NBAS: variants seen among roughly 807,000 people sequenced by gnomAD.
NBAS encodes NAG/BC035112 fusion.
NBAS carries 219 observed loss-of-function variants against 302.5 expected under a neutral mutation model. The observed-to-expected ratio is 0.72, with a 90% confidence interval of 0.65 to 0.81. The LOEUF is 0.81. NBAS is among the 30% of genes least tolerant of loss of function. The pLI is 0.00. For missense variants in NBAS, 2,932 were observed against 2,841.6 expected (o/e 1.03, Z -0.72); for synonymous variants, 1,118 against 1,021.6 (o/e 1.09, Z -1.80).
chr2:15,217,310 T>C (rs1050378256), intron 48 of NBAS, among the ~76,000 whole-genome samples: 2 of 152,252 alleles, frequency 1.3e-5, no homozygotes, highest in African/African-American at 4.8e-5. Context: ...GATAGGTCTA[T>C]CTTTTTTGAA....
At chr2:14,950,348 T>C in the NBAS span, among the ~76,000 whole-genome samples, 1 of 152,208 alleles carries the variant, frequency 6.6e-6, no homozygotes, top group Non-Finnish European at 1.5e-5. Context: ...GTTAATTCAT[T>C]CCTTTTTGTG....
the NBAS span, among the ~76,000 whole-genome samples, chr2:14,960,069 G>GA: frequency 1.1e-3 from 169 of 151,870 alleles, no homozygotes; most frequent in African/African-American, 3.7e-3. Context: ...ACTGCACTTG[G>GA]AAAAAAAATG....
the NBAS span, among the ~76,000 whole-genome samples, chr2:15,062,566 A>G: frequency 1.3e-5 from 2 of 152,204 alleles, no homozygotes; most frequent in African/African-American, 4.8e-5. Context: ...AGGGCATGCA[A>G]TCAAAAAGAG....
At chr2:14,920,800 C>T in the NBAS span, among the ~76,000 whole-genome samples, 4 of 152,138 alleles carry the variant, frequency 2.6e-5, no homozygotes, top group African/African-American at 9.7e-5. Flanking sequence ...TAAATTAGGA[C>T]CTTGATCCAG....
chr2:14,919,196 A>C, the NBAS span, among the ~76,000 whole-genome samples: 1 of 152,202 alleles, frequency 6.6e-6, no homozygotes, highest in African/African-American at 2.4e-5. Context: ...CCACCACAAT[A>C]AAGTGAATAT....
intron 21 of NBAS, among the ~76,000 whole-genome samples, chr2:15,445,903 C>T (rs1053835291): frequency 1.1e-4 from 10 of 92,254 alleles, no homozygotes; most frequent in Non-Finnish European, 2.2e-4. Context: ...AACATAGTCT[C>T]GGAGATTAAA....
chr2:15,540,410 T>C (rs780091868), intron 6 of NBAS, among the ~76,000 whole-genome samples: 2 of 152,024 alleles, frequency 1.3e-5, no homozygotes, highest in Non-Finnish European at 2.9e-5. Context: ...ATCTCCTGCT[T>C]GGCCTACTAA....
At chr2:14,962,981 G>GT in the NBAS span, among the ~76,000 whole-genome samples, 1 of 151,894 alleles carries the variant, frequency 6.6e-6, no homozygotes, top group Non-Finnish European at 1.5e-5. Context: ...AAAAAATAAA[G>GT]TTCCAGGTCG....
chr2:14,905,079 T>C, the NBAS span, among the ~76,000 whole-genome samples: 38,188 of 151,980 alleles, frequency 0.25, 4,993 homozygotes, highest in Non-Finnish European at 0.28. Flanking sequence ...ACAGTAGGTG[T>C]TTATGCTCTG....
At chr2:15,064,255 C>T in the NBAS span, among the ~76,000 whole-genome samples, 2 of 123,740 alleles carry the variant, frequency 1.6e-5, no homozygotes, top group African/African-American at 7.0e-5. Context: ...AAAAGTTAAA[C>T]AAAATTGGCA....
At chr2:15,126,267 C>G in the NBAS span, among the ~76,000 whole-genome samples, 1 of 152,168 alleles carries the variant, frequency 6.6e-6, no homozygotes, top group Non-Finnish European at 1.5e-5. Flanking sequence ...TTCCTGAGGC[C>G]CTCACCCAAA....
chr2:14,915,878 G>A, the NBAS span, among the ~76,000 whole-genome samples: 13 of 151,988 alleles, frequency 8.6e-5, no homozygotes, highest in Non-Finnish European at 1.5e-4. Flanking sequence ...TTTTAAAAAC[G>A]GGAGTTTCTC....
the NBAS span, among the ~76,000 whole-genome samples, chr2:14,983,032 G>C: frequency 6.6e-6 from 1 of 152,172 alleles, no homozygotes; most frequent in African/African-American, 2.4e-5. Flanking sequence ...CAGGGACATA[G>C]AATCTTTAGG....
At chr2:15,404,489 TTAAA>T (rs148333519) in intron 25 of NBAS, among the ~76,000 whole-genome samples, 16 of 151,922 alleles carry the variant, frequency 1.1e-4, no homozygotes, top group Non-Finnish European at 2.1e-4. Flanking sequence ...CTGTGAGACA[TTAAA>T]TAATCACTTT....
the NBAS span, among the ~76,000 whole-genome samples, chr2:15,098,457 A>ATTATATATTGTATATAATATG: frequency 2.0e-3 from 184 of 93,902 alleles, 11 homozygotes; most frequent in Middle Eastern, 8.8e-3. Context: ...TATATTATAT[A>ATTATATATTGTATATAATATG]TTATATATTG....
intron 25 of NBAS, among the ~76,000 whole-genome samples, chr2:15,411,958 A>G (rs933921742): frequency 6.6e-6 from 1 of 152,098 alleles, no homozygotes; most frequent in Admixed American, 6.6e-5. Flanking sequence ...TTTCTTCCCA[A>G]GTTTCACTTT....
chr2:14,886,729 G>A, the NBAS span: 5 of 152,258 alleles, frequency 3.3e-5, no homozygotes, highest in East Asian at 1.9e-4. Flanking sequence ...ATCTTCCTCC[G>A]AGGGAAATGC....
chr2:15,145,401 A>T, the NBAS span, among the ~76,000 whole-genome samples: 1 of 148,116 alleles, frequency 6.8e-6, no homozygotes, highest in African/African-American at 2.5e-5. Flanking sequence ...GTTTGTTTGT[A>T]TGTGTGTGTG....
Position 15,504,439 on chromosome 2 carries a change from C to T in NBAS, c.886-226G>A, listed in dbSNP as rs185172372. On this transcript the variant is annotated intron_variant, in intron 10 of 51. Coordinates refer to ENST00000281513, the MANE Select transcript of NBAS (RefSeq NM_015909.4). ...TACAAAAGACATCCATGATCAAATG[C>T]TTTTTTAAATATATAACCAGTAAAC... Among the ~76,000 whole-genome samples, 1,078 of 152,044 alleles carry T rather than the reference C, an allele frequency of 7.1e-3. 9 individuals are homozygous for T. The highest frequency in any genetic ancestry group is 0.014 in the Middle Eastern group (4 of 294).
Sources: gnomAD v4.1 joint callset for allele counts (sites outside exome capture counted in the v4.1 genomes callset) on GRCh38, gnomAD v4.1.1 for gene constraint, MANE v1.5 for transcripts, NCBI Gene and HGNC (gene_info 2026-07-23, HGNC 2026-07-21) for gene names.